Variants in MOSMO observed in about 807,000 individuals in gnomAD.
The protein encoded by MOSMO is modulator of smoothened protein.
In MOSMO, 5 loss-of-function variants were observed where a neutral mutation model predicts 18.4. That is an observed-to-expected ratio of 0.27 (90% CI 0.14 to 0.57). The LOEUF is 0.57. Among genes scored for constraint, MOSMO ranks in the 20% least tolerant of loss-of-function variants. The pLI is 0.92. For synonymous variants in MOSMO, 82 were observed against 82.3 expected (o/e 1.00, Z 0.02); for missense variants, 138 against 211.8 (o/e 0.65, Z 2.16).
At chr16:22,068,473 A>T (rs896637151) in intron 1 of MOSMO, among the ~76,000 whole-genome samples, 1 of 152,214 alleles carries the variant, frequency 6.6e-6, no homozygotes, top group African/African-American at 2.4e-5. Context: ...ACTATCACCA[A>T]TGTCTAATTC....
chr16:22,053,068 C>T (rs964855318), intron 1 of MOSMO, among the ~76,000 whole-genome samples: 4 of 150,386 alleles, frequency 2.7e-5, no homozygotes, highest in Non-Finnish European at 5.9e-5. Flanking sequence ...GATTCTCTTG[C>T]CTCAGACTCC....
intron 1 of MOSMO, among the ~76,000 whole-genome samples, chr16:22,068,424 A>G (rs1900787761): frequency 6.6e-6 from 1 of 152,212 alleles, no homozygotes; most frequent in South Asian, 2.1e-4. Flanking sequence ...GTGGTTTTTC[A>G]TACATTCACA....
At chr16:22,022,747 G>T (rs1899791383) in intron 1 of MOSMO, among the ~76,000 whole-genome samples, 2 of 152,142 alleles carry the variant, frequency 1.3e-5, no homozygotes, top group Non-Finnish European at 1.5e-5. Context: ...TTGGGGAGGT[G>T]ATTAAAAAGA....
intron 2 of MOSMO, 150 bp from the exon 3 acceptor site, chr16:22,080,546 A>G: frequency 2.0e-6 from 1 of 506,176 alleles, no homozygotes; most frequent in East Asian, 3.5e-5. Context: ...ATACTATGTG[A>G]CCTGAAATAT....
intron 1 of MOSMO, among the ~76,000 whole-genome samples, chr16:22,071,169 C>G (rs1041583401): frequency 6.6e-6 from 1 of 152,090 alleles, no homozygotes; most frequent in East Asian, 1.9e-4. Flanking sequence ...AGCAAGAGAT[C>G]CACATCTGTG....
chr16:22,008,339 T>C lies in MOSMO; in HGVS notation c.38T>C (p.Leu13Pro). 2.6e-6 allele frequency: 4 copies of C among 1,533,550 alleles called. No homozygotes were observed. Among genetic ancestry groups the C allele is most frequent in the Non-Finnish European group, 3.5e-6 (4 of 1,145,936 alleles). 95.0% of individuals were successfully genotyped at this position (1,533,550 alleles called of 1,614,324 possible). A position where few individuals can be genotyped will look rare whatever the true frequency, so the allele number is the denominator to read the frequency against. ...ACCATCATCTCAGGATGTCTCTTTC[T>C]GGCCGCCGATATCTTCGCCATCGCC... ...KLTIISGCLFLAADIFAIASI... is the reference protein window; with the variant it reads ...KLTIISGCLFPAADIFAIASI... Residue 13 changes from leucine (L) to proline (P), a missense_variant, in exon 1 of 3, where the codon CTG becomes CCG. By Grantham distance (98) the Leu-to-Pro change is moderately conservative. Transcript: ENST00000542527.
At chr16:22,069,733 A>C (rs34073686) in intron 1 of MOSMO, among the ~76,000 whole-genome samples, 12,875 of 152,198 alleles carry the variant, frequency 0.085, 756 homozygotes, top group South Asian at 0.25. Flanking sequence ...TTGAAGAGTG[A>C]ATGAGACTCT....
chr16:22,075,864 A>T (rs922609653), intron 2 of MOSMO, 165 bp downstream of exon 2: 1 of 563,432 alleles, frequency 1.8e-6, no homozygotes, highest in African/African-American at 1.9e-5. Flanking sequence ...TTTCTTCAAA[A>T]CTCTTTCTGC....
At chr16:22,035,310 T>C (rs562030287) in intron 1 of MOSMO, among the ~76,000 whole-genome samples, 1 of 152,194 alleles carries the variant, frequency 6.6e-6, no homozygotes, top group East Asian at 1.9e-4. Context: ...TAGTTTCTTT[T>C]CAGGCACGCC....
In MOSMO at chr16:22,013,766, G is replaced by T. The variant is rs373492483; in HGVS notation, c.106+5359G>T. Among the ~76,000 whole-genome samples, 30 of 151,736 alleles carry T rather than the reference G, an allele frequency of 2.0e-4. No homozygotes were observed. The East Asian group carries it at 3.7e-3, about 19-fold the overall frequency. ...GTCTCGTCAAAATTTCCCTAAAGTG[G>T]TTATCATATTCATGTTATAGTTTGT... On this transcript the variant is annotated intron_variant, in intron 1 of 2. Coordinates refer to ENST00000542527, the MANE Select transcript of MOSMO (RefSeq NM_001164579.2).
chr16:22,025,013 CATG>C (rs1366594898), intron 1 of MOSMO, among the ~76,000 whole-genome samples: 11 of 151,478 alleles, frequency 7.3e-5, no homozygotes, highest in Admixed American at 2.6e-4. Context: ...AATTGCTAGT[CATG>C]ATGATGTGTG....
At chr16:22,065,376 C>T (rs529661626) in intron 1 of MOSMO, among the ~76,000 whole-genome samples, 1 of 152,314 alleles carries the variant, frequency 6.6e-6, no homozygotes, top group African/African-American at 2.4e-5. Context: ...TCTCAATCTC[C>T]AGGCTTCCGG....
intron 1 of MOSMO, among the ~76,000 whole-genome samples, chr16:22,026,297 C>A (rs1435983041): frequency 1.3e-5 from 2 of 149,556 alleles, no homozygotes; most frequent in African/African-American, 2.5e-5. Flanking sequence ...TGGCTCACTG[C>A]AACCTCCACC....
intron 1 of MOSMO, among the ~76,000 whole-genome samples, chr16:22,031,521 C>A (rs1899993664): frequency 1.3e-5 from 2 of 152,184 alleles, no homozygotes; most frequent in Admixed American, 1.3e-4. Flanking sequence ...TTAGCTAGCA[C>A]CCCTCCAACT....
chr16:22,076,955 T>C lies in MOSMO; in HGVS notation c.319+1256T>C, dbSNP rs75259879. 7.3e-3 allele frequency among the ~76,000 whole-genome samples: 1,115 copies of C among 152,306 alleles called. 21 individuals carry two copies. Among genetic ancestry groups the C allele is most frequent in the African/African-American group, 0.025 (1,053 of 41,562 alleles). The stretch of plus-strand genomic sequence containing the variant: ...TGAAACAAGTTGGTGACCTTTCCCC[T>C]GTCCAACAGACCTCCTGAGACAATT... On this transcript the variant is annotated intron_variant, in intron 2 of 2. Transcript: ENST00000542527.
chr16:22,032,188 C>CTTTTTTT (rs1323183775), intron 1 of MOSMO, among the ~76,000 whole-genome samples: 3 of 132,684 alleles, frequency 2.3e-5, no homozygotes, highest in Non-Finnish European at 4.9e-5. Context: ...CTACCCTTTT[C>CTTTTTTT]TTTTTTTTTT....
chr16:22,081,972 C>T lies in MOSMO; in HGVS notation c.*1092C>T, dbSNP rs1198569300. ...TGTCAAACCTTATAATTTGGGGAAT[C>T]TGACACTATTTAAATTATTGGCAAC... is the stretch of plus-strand genomic sequence containing the variant. On this transcript the variant is annotated 3_prime_UTR_variant, in exon 3 of 3. Coordinates refer to ENST00000542527, the MANE Select transcript of MOSMO (RefSeq NM_001164579.2). The T allele has an allele frequency of 6.6e-6, 1 of 152,150 alleles. No individual in the cohort carries two copies. Among genetic ancestry groups the T allele is most frequent in the Non-Finnish European group, 1.5e-5 (1 of 68,026 alleles). 9.4% of individuals were successfully genotyped at this position (152,150 alleles called of 1,614,324 possible). A position where few individuals can be genotyped will look rare whatever the true frequency, so the allele number is the denominator to read the frequency against.
chr16:22,054,944 C>A (rs1171197112), intron 1 of MOSMO, among the ~76,000 whole-genome samples: 1 of 149,668 alleles, frequency 6.7e-6, no homozygotes, highest in African/African-American at 2.5e-5. Context: ...TTAATCCATT[C>A]TAGTTTGTAA....
At chr16:22,069,032 A>T (rs1373262935) in intron 1 of MOSMO, among the ~76,000 whole-genome samples, 1 of 152,094 alleles carries the variant, frequency 6.6e-6, no homozygotes, top group Non-Finnish European at 1.5e-5. Flanking sequence ...TCTGCTTCTC[A>T]CTGGCTACAA....
Sources: allele counts gnomAD v4.1 joint callset (sites outside exome capture counted in the v4.1 genomes callset), GRCh38; gene constraint gnomAD v4.1.1; transcripts MANE v1.5; gene names NCBI Gene and HGNC (gene_info 2026-07-23, HGNC 2026-07-21).